FGF1: variants seen among roughly 807,000 people sequenced by gnomAD.
FGF1 encodes the protein beta-endothelial cell growth factor.
Under a neutral mutation model 13.4 loss-of-function variants are expected in FGF1, and 9 were observed. The observed-to-expected ratio is 0.67, with a 90% confidence interval of 0.40 to 1.17. The LOEUF (loss-of-function observed/expected upper bound fraction) is 1.17, where lower values mean the gene tolerates loss of function less well. Among genes scored for constraint, FGF1 ranks in the 50% most tolerant of loss-of-function variants. The pLI is 0.01. For synonymous variants in FGF1, 93 were observed against 79.0 expected, an observed-to-expected ratio of 1.18 and a Z score of -0.94; for missense variants, 156 against 192.7, an observed-to-expected ratio of 0.81 and a Z score of 1.13.
chr5:142,697,772 G>A (rs1442559751), intron 1 of FGF1: 1 of 152,362 alleles, frequency 6.6e-6, no homozygotes, highest in Non-Finnish European at 1.5e-5. Context: ...TCCCAGAAAA[G>A]GAGGCGATGC....
intron 1 of FGF1, among the ~76,000 whole-genome samples, chr5:142,661,127 C>G (rs1447384334): frequency 1.3e-5 from 2 of 152,234 alleles, no homozygotes; most frequent in African/African-American, 4.8e-5. Context: ...TTGCTCCACT[C>G]TTACATTCAT....
At chr5:142,614,861 G>C (rs1469451383) in intron 1 of FGF1, among the ~76,000 whole-genome samples, 3 of 152,150 alleles carry the variant, frequency 2.0e-5, no homozygotes, top group African/African-American at 7.2e-5. Flanking sequence ...GCTATGCCTG[G>C]TTCCTGCCCA....
At chr5:142,600,239 G>C (rs903240247) in intron 3 of FGF1, among the ~76,000 whole-genome samples, 1 of 152,162 alleles carries the variant, frequency 6.6e-6, no homozygotes, top group Non-Finnish European at 1.5e-5. Context: ...GTATTCATCT[G>C]TGGTCCCAGC....
intron 1 of FGF1, among the ~76,000 whole-genome samples, chr5:142,650,150 C>T (rs868132374): frequency 1.3e-5 from 2 of 152,162 alleles, no homozygotes; most frequent in Admixed American, 6.5e-5. Flanking sequence ...GATGTTTCCT[C>T]TGAGAAGGAG....
intron 2 of FGF1, among the ~76,000 whole-genome samples, chr5:142,694,316 G>A (rs1752761149): frequency 6.6e-6 from 1 of 152,060 alleles, no homozygotes; most frequent in Non-Finnish European, 1.5e-5. Flanking sequence ...GCTATCAATG[G>A]AAGGAAGGTG....
rs1305248021 is a variant in FGF1 at position 142,646,564 on chromosome 5, G to A, written c.-34-32403C>T. On this transcript the variant is annotated intron_variant, in intron 1 of 3. Transcript: ENST00000337706. ...GGCGGGGTTTCGCCATGTTGGTCAGGCTAGTCTCAAACGCCTGACCTCATG... is the reference window on the plus strand; with the variant it reads ...GGCGGGGTTTCGCCATGTTGGTCAGACTAGTCTCAAACGCCTGACCTCATG... Among the ~76,000 whole-genome samples the A allele has an allele frequency of 2.6e-5, 4 of 152,146 alleles. No individual in the cohort carries two copies. In the South Asian group the frequency reaches 6.2e-4, roughly 24 times the overall value.
chr5:142,611,130 G>A (rs1348770009), intron 2 of FGF1, among the ~76,000 whole-genome samples: 1 of 152,154 alleles, frequency 6.6e-6, no homozygotes, highest in Non-Finnish European at 1.5e-5. Context: ...ATATCTCCTT[G>A]CCAGGCCGTG....
chr5:142,657,257 C>T (rs1053842074), intron 1 of FGF1, among the ~76,000 whole-genome samples: 2 of 152,210 alleles, frequency 1.3e-5, no homozygotes, highest in Admixed American at 1.3e-4. Flanking sequence ...AAAACAACAA[C>T]TTTTCAAGAG....
intron 1 of FGF1, among the ~76,000 whole-genome samples, chr5:142,663,973 A>G (rs1769798241): frequency 6.6e-6 from 1 of 152,124 alleles, no homozygotes; most frequent in South Asian, 2.1e-4. Context: ...GGGAAAAGAA[A>G]GAGATGGGCC....
intron 2 of FGF1, among the ~76,000 whole-genome samples, chr5:142,608,904 C>G (rs1039251512): frequency 6.6e-6 from 1 of 151,590 alleles, no homozygotes; most frequent in Non-Finnish European, 1.5e-5. Context: ...TCACATATGA[C>G]CGAGGTGAGA....
At chr5:142,628,354 C>CA (rs930242817) in intron 1 of FGF1, among the ~76,000 whole-genome samples, 5 of 152,054 alleles carry the variant, frequency 3.3e-5, no homozygotes, top group East Asian at 1.9e-4. Flanking sequence ...ACTAAAAATA[C>CA]AAAAAATTAG....
At chr5:142,674,751 A>G in intron 1 of FGF1, among the ~76,000 whole-genome samples, 1 of 152,192 alleles carries the variant, frequency 6.6e-6, no homozygotes, top group East Asian at 1.9e-4. Flanking sequence ...AAAGTGGCCA[A>G]TTCAGGATAT....
In FGF1 at chr5:142,611,550, C is replaced by T. The variant is rs2282799; in HGVS notation, c.169+2409G>A. ...CAGAAAGAATGCATAATGGCAAGAA[C>T]GTTAATTGTCCAGGGCTGCTCCAGG... On this transcript the variant is annotated intron_variant, in intron 2 of 3. Transcript: ENST00000337706. Among the ~76,000 whole-genome samples, 4 of 152,234 alleles carry T rather than the reference C, an allele frequency of 2.6e-5. No homozygotes were observed. The East Asian group carries it at 5.8e-4, about 22-fold the overall frequency.
intron 1 of FGF1, among the ~76,000 whole-genome samples, chr5:142,640,689 A>C (rs923343330): frequency 3.3e-5 from 5 of 151,974 alleles, no homozygotes; most frequent in Non-Finnish European, 7.3e-5. Flanking sequence ...TTTAAAGTCA[A>C]ATGCTTCTCA....
At chr5:142,670,364 T>C (rs1771219655) in intron 1 of FGF1, among the ~76,000 whole-genome samples, 1 of 152,156 alleles carries the variant, frequency 6.6e-6, no homozygotes, top group South Asian at 2.1e-4. Context: ...GCCATTTTGC[T>C]CAATGTTCTG....
At chr5:142,686,466 G>C (rs1300753040), upstream of FGF1, 1 of 152,214 alleles carries the variant, frequency 6.6e-6, no homozygotes, top group African/African-American at 2.4e-5. Flanking sequence ...GGTTTGTCTT[G>C]GGGCAAATGT....
chr5:142,600,437 TGAGTGATTGAAGAGTTA>T (rs1428625626), intron 3 of FGF1, among the ~76,000 whole-genome samples: 1 of 152,244 alleles, frequency 6.6e-6, no homozygotes, highest in African/African-American at 2.4e-5. Context: ...TATTCTAAAA[TGAGTGATTGAAGAGTTA>T]CCAAAACATC....
intron 1 of FGF1, among the ~76,000 whole-genome samples, chr5:142,683,520 C>A (rs2152056331): frequency 6.6e-6 from 1 of 152,168 alleles, no homozygotes; most frequent in South Asian, 2.1e-4. Context: ...TGGATTCTTG[C>A]AAAATATAGT....
intron 1 of FGF1, among the ~76,000 whole-genome samples, chr5:142,658,806 G>A (rs111412113): frequency 0.022 from 3,395 of 152,198 alleles, 122 homozygotes; most frequent in African/African-American, 0.077. Context: ...GAGAGTTGCC[G>A]TCCTGGTACC....
Sources: gnomAD v4.1 joint callset for allele counts (sites outside exome capture counted in the v4.1 genomes callset) on GRCh38, gnomAD v4.1.1 for gene constraint, MANE v1.5 for transcripts, NCBI Gene and HGNC (gene_info 2026-07-23, HGNC 2026-07-21) for gene names.